DAG1: variants seen among roughly 807,000 people sequenced by gnomAD.
The protein encoded by DAG1 is dystroglycan 1.
Under a neutral mutation model 46.1 loss-of-function variants are expected in DAG1, and 8 were observed. The observed-to-expected ratio is 0.17, with a 90% CI of 0.10 to 0.31. The LOEUF is 0.31. Among genes scored for constraint, DAG1 ranks in the 10% least tolerant of loss-of-function variants. DAG1 has a pLI of 1.00. For synonymous variants in DAG1, 495 were observed against 481.8 expected (o/e 1.03, Z -0.36); for missense variants, 1,003 against 1,189.9 (o/e 0.84, Z 2.31).
At chr3:49,499,991 T>C (rs2050403445) in intron 1 of DAG1, among the ~76,000 whole-genome samples, 1 of 151,918 alleles carries the variant, frequency 6.6e-6, no homozygotes, top group Admixed American at 6.6e-5. Context: ...TTTTTTTTTT[T>C]TGAGACAGAA....
chr3:49,471,001 C>T (rs2049504046), intron 1 of DAG1: 2 of 152,230 alleles, frequency 1.3e-5, no homozygotes, highest in South Asian at 2.1e-4. Flanking sequence ...GATAGTGTCT[C>T]CACAGAAAAT....
chr3:49,522,906 C>T (rs1559572085), intron 2 of DAG1, among the ~76,000 whole-genome samples: 1 of 152,208 alleles, frequency 6.6e-6, no homozygotes, highest in Non-Finnish European at 1.5e-5. Context: ...CTGAAGGCTT[C>T]TTTCAAGACA....
chr3:49,489,026 TG>T (rs1169866377), intron 1 of DAG1, among the ~76,000 whole-genome samples: 1 of 152,100 alleles, frequency 6.6e-6, no homozygotes, highest in East Asian at 1.9e-4. Flanking sequence ...CCTGAGGACC[TG>T]GGAAGGAGAC....
At chr3:49,507,668 A>G (rs1209557901) in intron 1 of DAG1, among the ~76,000 whole-genome samples, 4 of 54,136 alleles carry the variant, frequency 7.4e-5, no homozygotes, top group Non-Finnish European at 1.7e-4. Flanking sequence ...CCTTTCCTTT[A>G]TCTTTTCCTT....
chr3:49,509,578 G>C lies in DAG1; in HGVS notation c.-116-841G>C, dbSNP rs150772820. 2.7e-3 allele frequency among the ~76,000 whole-genome samples: 417 copies of C among 152,224 alleles called. 3 individuals are homozygous for C. Among genetic ancestry groups the C allele is most frequent in the African/African-American group, 9.3e-3 (387 of 41,544 alleles). On this transcript the variant is annotated intron_variant, in intron 1 of 2. Coordinates refer to ENST00000308775, the MANE Select transcript of DAG1 (RefSeq NM_004393.6). ...AGATTTGTGTGATTTTCTTTGCATAGCTCCCATATTTCCTGTAAATTGGAA... is the reference window on the plus strand; with the variant it reads ...AGATTTGTGTGATTTTCTTTGCATACCTCCCATATTTCCTGTAAATTGGAA...
At chr3:49,526,068 C>G (rs1229742027) in intron 2 of DAG1, among the ~76,000 whole-genome samples, 3 of 152,172 alleles carry the variant, frequency 2.0e-5, no homozygotes, top group Non-Finnish European at 4.4e-5. Context: ...CCAGGCTGGT[C>G]TTGAACTCCT....
At chr3:49,490,908 C>T (rs537794093) in intron 1 of DAG1, among the ~76,000 whole-genome samples, 1 of 118,368 alleles carries the variant, frequency 8.4e-6, no homozygotes, top group Non-Finnish European at 1.7e-5. Flanking sequence ...TTTTTTGAGA[C>T]GGAGTCTCAC....
intron 2 of DAG1, among the ~76,000 whole-genome samples, chr3:49,527,247 G>A (rs1013624510): frequency 4.2e-4 from 63 of 150,414 alleles, no homozygotes; most frequent in African/African-American, 7.7e-4. Context: ...AAAAATTGCC[G>A]GGCGCGGTGG....
intron 1 of DAG1, among the ~76,000 whole-genome samples, chr3:49,502,359 A>G (rs1242130427): frequency 3.3e-5 from 5 of 152,140 alleles, no homozygotes; most frequent in Non-Finnish European, 5.9e-5. Flanking sequence ...ATCTATGTAC[A>G]TGGTCATTTG....
chr3:49,534,791 G>A lies in DAG1; in HGVS notation c.*1592G>A, dbSNP rs563258505. ...CATGACTTTTCTTGATGTCTGAAGC[G>A]TTATTTTGGGTACTTTTTAGGGAGG... On this transcript the variant is annotated 3_prime_UTR_variant, in exon 3 of 3. Coordinates refer to ENST00000308775, the MANE Select transcript of DAG1 (RefSeq NM_004393.6). The A allele has an allele frequency of 2.6e-5, 4 of 152,714 alleles. No individual in the cohort carries two copies. The East Asian group carries it at 7.7e-4, about 29-fold the overall frequency. 9.5% of individuals were successfully genotyped at this position (152,714 alleles called of 1,614,324 possible). A position where few individuals can be genotyped will look rare whatever the true frequency, so the allele number is the denominator to read the frequency against.
intron 1 of DAG1, among the ~76,000 whole-genome samples, chr3:49,497,375 T>G (rs2050341601): frequency 6.7e-6 from 1 of 148,810 alleles, no homozygotes; most frequent in African/African-American, 2.5e-5. Flanking sequence ...AGGCGGAGGT[T>G]GCAGTGAGCC....
intron 1 of DAG1, among the ~76,000 whole-genome samples, chr3:49,487,042 A>G (rs1697029941): frequency 6.6e-6 from 1 of 151,992 alleles, no homozygotes; most frequent in Non-Finnish European, 1.5e-5. Context: ...GGCGTGTGCC[A>G]TGCCTGGCTA....
At chr3:49,470,748 C>T (rs1279012819) in intron 1 of DAG1, among the ~76,000 whole-genome samples, 1 of 152,212 alleles carries the variant, frequency 6.6e-6, no homozygotes, top group Non-Finnish European at 1.5e-5. Context: ...GGTCGTGAGC[C>T]GCCTGCGGGC....
rs80227974 is a variant in DAG1, at chr3:49,515,735, G to T, written c.285+4916G>T. 9.3e-3 allele frequency among the ~76,000 whole-genome samples: 1,422 copies of T among 152,110 alleles called. 28 individuals carry two copies. The highest frequency in any genetic ancestry group is 0.031 in the African/African-American group (1,282 of 41,480). ...GAACATTTCAGATATTGGTCCTAAG[G>T]ATGCTTGTTGAGGCGACCCCAGTCA... On this transcript the variant is annotated intron_variant, in intron 2 of 2. Coordinates refer to ENST00000308775, the MANE Select transcript of DAG1 (RefSeq NM_004393.6).
At chr3:49,486,912 T>C (rs2050050054) in intron 1 of DAG1, among the ~76,000 whole-genome samples, 1 of 152,038 alleles carries the variant, frequency 6.6e-6, no homozygotes, top group Admixed American at 6.6e-5. Context: ...GTTTTTGAGA[T>C]TCAGTCTCGC....
intron 1 of DAG1, among the ~76,000 whole-genome samples, chr3:49,487,988 C>A (rs1161091785): frequency 1.3e-5 from 2 of 152,082 alleles, no homozygotes; most frequent in African/African-American, 2.4e-5. Context: ...AGACGTGAGC[C>A]ACCACGCCCG....
chr3:49,523,036 C>T (rs577585877), intron 2 of DAG1, among the ~76,000 whole-genome samples: 9 of 152,308 alleles, frequency 5.9e-5, no homozygotes, highest in Non-Finnish European at 1.0e-4. Context: ...CAGCTTGTCA[C>T]CCCAAACTCA....
In DAG1 at chr3:49,531,791, C is replaced by T. The variant is rs770985285; in HGVS notation, c.1280C>T (p.Pro427Leu). ...CCTCCCACAACCACCACCAAGAAGC[C>T]ACGAGTATCCACACCAAAACCAGCA... ...ATPPTTTTKKPRVSTPKPATP... is the reference protein window; with the variant it reads ...ATPPTTTTKKLRVSTPKPATP... Residue 427 changes from proline to leucine, a missense_variant, in exon 3 of 3, where the codon CCA (proline) becomes CTA (leucine). Physicochemically the swap from Pro to Leu is moderately conservative, Grantham distance 98. Transcript: ENST00000308775. This position sits in a 1 kb window ranked among gnomAD's most constrained non-coding sequence, Gnocchi z 7.0. The T allele has an allele frequency of 8.4e-5, 135 of 1,613,868 alleles. No homozygotes were observed. Among genetic ancestry groups the T allele is most frequent in the Non-Finnish European group, 1.1e-4 (132 of 1,180,004 alleles).
intron 2 of DAG1, among the ~76,000 whole-genome samples, chr3:49,522,802 C>G (rs1054050717): frequency 1.3e-5 from 2 of 152,202 alleles, no homozygotes; most frequent in Non-Finnish European, 1.5e-5. Context: ...AGTTTTCTGG[C>G]CTTTTTGGTG....
Sources: allele counts gnomAD v4.1 joint callset (sites outside exome capture counted in the v4.1 genomes callset), GRCh38; gene constraint gnomAD v4.1.1; non-coding constraint Gnocchi (gnomAD v3.1); transcripts MANE v1.5; gene names NCBI Gene and HGNC (gene_info 2026-07-23, HGNC 2026-07-21).